The following ANKS1B variants were observed in gnomAD, a reference collection of about 807,000 sequenced individuals.
The protein encoded by ANKS1B is ankyrin repeat and sterile alpha motif domain containing 1B.
Under a neutral mutation model 148.3 loss-of-function variants are expected in ANKS1B, and 36 were observed. The ratio of observed to expected loss-of-function variants is 0.24; its 90% CI spans 0.19 to 0.32. ANKS1B has a LOEUF of 0.32. ANKS1B is among the 10% of genes least tolerant of loss of function. The probability of loss-of-function intolerance (pLI) is 1.00; values close to 1 mark genes in which losing one functional copy is unlikely to be tolerated. For missense variants in ANKS1B, 1,157 were observed against 1,542.6 expected (o/e 0.75, Z 4.19); for synonymous variants, 542 against 560.8 (o/e 0.97, Z 0.47).
intron 8 of ANKS1B, among the ~76,000 whole-genome samples, chr12:99,770,491 G>T (rs1424523423): frequency 6.6e-6 from 1 of 152,010 alleles, no homozygotes; most frequent in Non-Finnish European, 1.5e-5. Context: ...CTTTTTTGAT[G>T]AATAGAAACA....
chr12:99,656,928 T>C (rs908687287), intron 8 of ANKS1B, among the ~76,000 whole-genome samples: 10 of 152,150 alleles, frequency 6.6e-5, no homozygotes, highest in African/African-American at 1.9e-4. Flanking sequence ...CTTTTAAAAA[T>C]AGAATATAAG....
intron 17 of ANKS1B, among the ~76,000 whole-genome samples, chr12:98,954,000 C>G (rs1018174713): frequency 6.6e-6 from 1 of 152,170 alleles, no homozygotes; most frequent in Admixed American, 6.5e-5. Flanking sequence ...TTGTTGTCTA[C>G]ATCTTTGCTG....
intron 8 of ANKS1B, among the ~76,000 whole-genome samples, chr12:99,715,088 C>T (rs886546343): frequency 2.0e-5 from 3 of 151,836 alleles, no homozygotes; most frequent in Admixed American, 6.6e-5. Flanking sequence ...GAGATTGCAC[C>T]ACTGAACTTC....
chr12:98,746,191 TGGA>T (rs2097887674), intron 26 of ANKS1B, among the ~76,000 whole-genome samples: 1 of 152,162 alleles, frequency 6.6e-6, no homozygotes, highest in Admixed American at 6.5e-5. Flanking sequence ...GGGGGCTTCC[TGGA>T]GGAGGTGAAT....
At chr12:99,850,527 C>T (rs942669179) in intron 1 of ANKS1B, among the ~76,000 whole-genome samples, 1 of 151,940 alleles carries the variant, frequency 6.6e-6, no homozygotes, top group African/African-American at 2.4e-5. Flanking sequence ...AAACCAATTT[C>T]CAATGCACAA....
At chr12:99,575,881 G>A (rs2097513909) in intron 9 of ANKS1B, among the ~76,000 whole-genome samples, 2 of 152,058 alleles carry the variant, frequency 1.3e-5, no homozygotes, top group African/African-American at 4.8e-5. Context: ...CACAATGACA[G>A]GATCAAACAC....
intron 25 of ANKS1B, among the ~76,000 whole-genome samples, chr12:98,765,183 C>A (rs1309828420): frequency 6.6e-6 from 1 of 152,188 alleles, no homozygotes. Flanking sequence ...GTATGTGTCA[C>A]CTTGTTTAAT....
At chr12:99,827,764 T>A (rs1373680549) in intron 1 of ANKS1B, among the ~76,000 whole-genome samples, 1 of 152,182 alleles carries the variant, frequency 6.6e-6, no homozygotes, top group African/African-American at 2.4e-5. Context: ...AGGATGTAGA[T>A]CAACCAGAAT....
chr12:99,219,620 A>G (rs141824431), intron 14 of ANKS1B, among the ~76,000 whole-genome samples: 337 of 152,318 alleles, frequency 2.2e-3, no homozygotes, highest in African/African-American at 7.8e-3. Flanking sequence ...TTTGTGAAAA[A>G]GTACACAAAA....
At chr12:99,516,778 T>TC (rs1435934714) in intron 9 of ANKS1B, among the ~76,000 whole-genome samples, 1 of 152,086 alleles carries the variant, frequency 6.6e-6, no homozygotes, top group African/African-American at 2.4e-5. Flanking sequence ...ACTGTTTTTT[T>TC]CCCAATGTAT....
intron 10 of ANKS1B, among the ~76,000 whole-genome samples, chr12:99,485,560 GAAGTTTTCCTCAATTATTCCCTCAAAT>G (rs1474680405): frequency 2.8e-4 from 42 of 152,156 alleles, no homozygotes; most frequent in South Asian, 1.9e-3. Flanking sequence ...CTAGACCAGG[GAAGTTTTCCTCAATTATTCCCTCAAAT>G]AAGTTTTCCT....
At chr12:99,846,497 T>TA (rs1480700802) in intron 1 of ANKS1B, among the ~76,000 whole-genome samples, 1 of 152,186 alleles carries the variant, frequency 6.6e-6, no homozygotes, top group Non-Finnish European at 1.5e-5. Flanking sequence ...GGATTTTTGA[T>TA]AAAACAAGGT....
chr12:99,314,039 T>A (rs774268694), intron 12 of ANKS1B, among the ~76,000 whole-genome samples: 3 of 152,122 alleles, frequency 2.0e-5, no homozygotes, highest in Non-Finnish European at 4.4e-5. Context: ...ACCCAAAAAC[T>A]CCTTAAGCTG....
chr12:98,781,291 A>G, intron 23 of ANKS1B, 88 bp from the exon 24 acceptor site: 1 of 742,830 alleles, frequency 1.3e-6, no homozygotes, highest in East Asian at 2.7e-5. Context: ...GATAAAGATG[A>G]GCTCAAATTA....
intron 8 of ANKS1B, among the ~76,000 whole-genome samples, chr12:99,701,522 T>C (rs1409339584): frequency 6.6e-6 from 1 of 152,144 alleles, no homozygotes; most frequent in Non-Finnish European, 1.5e-5. Context: ...CATTCATCAT[T>C]TCTTTGTGCT....
Position 99,053,248 on chromosome 12 carries a change from A to G in ANKS1B, c.2687T>C (p.Ile896Thr). Residue 896 changes from isoleucine to threonine, a missense_variant, in exon 17 of 27, where the codon ATT becomes ACT. Physicochemically the swap from Ile to Thr is moderately conservative, Grantham distance 89. This residue lies in a region of ANKS1B where 258 missense variants were observed against 497.0 expected (regional missense o/e 0.52). Transcript: ENST00000683438. ...GGCTTTGGTGTAGTCGCCCAGTTCA[A>G]TGGAATCCAGCCACTCAGCTACAGA... is the stretch of plus-strand genomic sequence containing the variant. ...PTSVAEWLDS[I>T]ELGDYTKAFL... 3 of 1,611,880 alleles carry G rather than the reference A, an allele frequency of 1.9e-6. No homozygotes were observed. The highest frequency in any genetic ancestry group is 2.2e-5 in the East Asian group (1 of 44,826).
At chr12:99,601,850 T>C (rs1597890323) in intron 9 of ANKS1B, among the ~76,000 whole-genome samples, 1 of 152,026 alleles carries the variant, frequency 6.6e-6, no homozygotes, top group East Asian at 1.9e-4. Context: ...CTTATTCTTC[T>C]TGAACTCTCT....
intron 4 of ANKS1B, among the ~76,000 whole-genome samples, chr12:99,798,656 TA>T (rs2066561968): frequency 6.6e-6 from 1 of 151,930 alleles, no homozygotes. Flanking sequence ...GTGTGAAGAA[TA>T]AAGGTTATAA....
intron 12 of ANKS1B, among the ~76,000 whole-genome samples, chr12:99,274,481 A>C (rs2077443338): frequency 6.6e-6 from 1 of 152,168 alleles, no homozygotes; most frequent in Non-Finnish European, 1.5e-5. Context: ...TTCTGCCACC[A>C]TATTACAAAA....
Sources: gnomAD v4.1 joint callset for allele counts (sites outside exome capture counted in the v4.1 genomes callset) on GRCh38, gnomAD v4.1.1 for gene constraint, gnomAD v4.1.1 regional missense constraint, MANE v1.5 for transcripts, NCBI Gene and HGNC (gene_info 2026-07-23, HGNC 2026-07-21) for gene names.